Variants in LACTBL1 observed in about 807,000 individuals in gnomAD.
LACTBL1 encodes beta-lactamase-like protein 1.
LACTBL1 carries 29 observed loss-of-function variants against 39.6 expected under a neutral mutation model. The observed-to-expected ratio is 0.73, with a 90% confidence interval of 0.55 to 1.00. The LOEUF is 1.00. Ranked by LOEUF, LACTBL1 falls within the 50% of genes least tolerant of loss-of-function variation. LACTBL1 has a pLI of 0.00. For missense variants in LACTBL1, 711 were observed against 748.5 expected (o/e 0.95, Z 0.59); for synonymous variants, 361 against 360.7 (o/e 1.00, Z -0.01).
At chr1:22,965,364 C>T (rs1640866093), upstream of LACTBL1, 3 of 1,274,948 alleles carry the variant, frequency 2.4e-6, no homozygotes, top group South Asian at 3.0e-5. Flanking sequence ...GCAGAAGAAG[C>T]TGCAGATGGC....
chr1:22,955,282 C>G, intron 5 of LACTBL1, 39 bp downstream of exon 7: 2 of 1,484,274 alleles, frequency 1.3e-6, no homozygotes, highest in South Asian at 2.4e-5. Context: ...CCCCAGGAGG[C>G]TCCTAACATG....
chr1:22,958,729 C>G (rs1368127410), exon 4 of LACTBL1: 2 of 1,550,440 alleles, frequency 1.3e-6, no homozygotes, highest in East Asian at 2.4e-5. Flanking sequence ...AGGTGAAGGC[C>G]TTGGGGCGGG....
At position 22,958,772 on chromosome 1, in the gene LACTBL1, G is replaced by GCTGTT. The variant is rs1407564343; in HGVS notation, c.461_465dup (p.Gln156AsnfsTer5). ...TGCTCCAGCCCGTCCATCAGGCCCT[G>GCTGTT]CTGTTCGGCTGATGCCAGGCCCAGC... On this transcript the variant is annotated frameshift_variant, in exon 4 of 6. Coordinates refer to ENST00000426928, the Ensembl canonical transcript of LACTBL1. LOFTEE classifies it high-confidence loss of function. 6.4e-7 allele frequency: 1 copy of GCTGTT among 1,550,562 alleles called. No homozygotes were observed. The highest frequency in any genetic ancestry group is 8.7e-7 in the Non-Finnish European group (1 of 1,147,022).
chr1:22,969,616 C>T (rs1640918333), upstream of LACTBL1, among the ~76,000 whole-genome samples: 1 of 152,008 alleles, frequency 6.6e-6, no homozygotes, highest in African/African-American at 2.4e-5. Flanking sequence ...CCTCCCCTGC[C>T]CCCTGTGTCT....
chr1:22,953,879 C>T, exon 6 of LACTBL1: 3 of 1,549,424 alleles, frequency 1.9e-6, no homozygotes, highest in Non-Finnish European at 1.7e-6. Context: ...CGCGCGCGCA[C>T]GTCGGGCGTG....
chr1:22,954,226 GC>G (rs1640740805), intron 5 of LACTBL1, among the ~76,000 whole-genome samples: 1 of 152,204 alleles, frequency 6.6e-6, no homozygotes, highest in Non-Finnish European at 1.5e-5. Flanking sequence ...CCAGAGAGGG[GC>G]GGGGAATTGC....
At chr1:22,959,972 G>A in exon 3 of LACTBL1, 1 of 1,551,154 alleles carries the variant, frequency 6.4e-7, no homozygotes, top group Non-Finnish European at 8.7e-7. Context: ...GGGGGCCCCA[G>A]AAGCCGGGTC....
At chr1:22,959,325 G>A (rs1458337680) in intron 3 of LACTBL1, among the ~76,000 whole-genome samples, 1 of 152,228 alleles carries the variant, frequency 6.6e-6, no homozygotes, top group Non-Finnish European at 1.5e-5. Context: ...CAAAGTGCCT[G>A]TCTACGTTCC....
intron 4 of LACTBL1, among the ~76,000 whole-genome samples, chr1:22,956,338 T>C (rs758457594): frequency 8.6e-5 from 13 of 151,802 alleles, no homozygotes; most frequent in Non-Finnish European, 1.6e-4. Context: ...GCCACTGCAC[T>C]CCAGCATGGG....
chr1:22,953,871 C>T (rs948433850), exon 6 of LACTBL1: 1 of 1,549,016 alleles, frequency 6.5e-7, no homozygotes, highest in East Asian at 2.4e-5. Flanking sequence ...CGGCCAGGCG[C>T]GCGCGCACGT....
At chr1:22,956,731 T>C (rs1570498701) in intron 4 of LACTBL1, among the ~76,000 whole-genome samples, 1 of 152,068 alleles carries the variant, frequency 6.6e-6, no homozygotes. Context: ...CCTGCCCAAT[T>C]CCCGTGCCCC....
chr1:22,970,962 A>G, the LACTBL1 span, among the ~76,000 whole-genome samples: 3 of 152,156 alleles, frequency 2.0e-5, no homozygotes, highest in Non-Finnish European at 4.4e-5. Flanking sequence ...AAAGGAGTGA[A>G]TGGAAGGCTC....
chr1:22,958,762 A>G, exon 4 of LACTBL1: 1 of 1,550,664 alleles, frequency 6.4e-7, no homozygotes, highest in Admixed American at 2.0e-5. Flanking sequence ...CAGCCCGTCC[A>G]TCAGGCCCTG....
chr1:22,956,486 A>G (rs534830664), intron 4 of LACTBL1, among the ~76,000 whole-genome samples: 1 of 152,282 alleles, frequency 6.6e-6, no homozygotes, highest in Non-Finnish European at 1.5e-5. Flanking sequence ...ACACTTTGTA[A>G]AATGATGACA....
intron 5 of LACTBL1, among the ~76,000 whole-genome samples, chr1:22,954,964 C>T (rs1449574090): frequency 6.6e-6 from 1 of 152,234 alleles, no homozygotes; most frequent in African/African-American, 2.4e-5. Flanking sequence ...CGTTTATTTC[C>T]AACCTGGCAA....
In LACTBL1 at chr1:22,953,220, C is replaced by A. The variant is rs1469075457; in HGVS notation, c.1464G>T (p.Glu488Asp). Residue 488 changes from glutamate (E) to aspartate (D), a missense_variant, in exon 6 of 6, where the codon GAG becomes GAT. Transcript: ENST00000426928. ...CGCCGAGTGGCAGTGCGCAGGGGAA[C>A]TCGTGGGCCACGTGCAGCTGGAAGA... The A allele has an allele frequency of 2.4e-6, 3 of 1,232,132 alleles. No individual in the cohort carries two copies. The East Asian group carries it at 9.5e-5, about 39-fold the overall frequency. The allele number at this position is 1,232,132 out of a possible 1,614,324, so 76.3% of individuals were successfully genotyped here.
At chr1:22,954,871 G>A (rs1320151433) in intron 5 of LACTBL1, among the ~76,000 whole-genome samples, 3 of 152,140 alleles carry the variant, frequency 2.0e-5, no homozygotes, top group Non-Finnish European at 2.9e-5. Flanking sequence ...CCTCTGTCCA[G>A]CCCCACAGCC....
At chr1:22,964,493 C>T (rs1029209485) in intron 1 of LACTBL1, among the ~76,000 whole-genome samples, 8 of 152,166 alleles carry the variant, frequency 5.3e-5, no homozygotes, top group Non-Finnish European at 1.0e-4. Context: ...CAGAGAGAGC[C>T]CAAGCTAGAC....
intron 2 of LACTBL1, 71 bp downstream of exon 4, chr1:22,963,036 G>A: frequency 1.4e-6 from 1 of 723,776 alleles, no homozygotes; most frequent in Non-Finnish European, 2.0e-6. Context: ...TGCCAGCACA[G>A]AGGGACTGCC....
Sources: allele counts gnomAD v4.1 joint callset (sites outside exome capture counted in the v4.1 genomes callset), GRCh38; gene constraint gnomAD v4.1.1; transcripts MANE v1.5; gene names NCBI Gene and HGNC (gene_info 2026-07-23, HGNC 2026-07-21).